CHAF1B: variants seen among roughly 807,000 people sequenced by gnomAD.
CHAF1B encodes the protein CAF-1 subunit B.
Under a neutral mutation model 60.7 loss-of-function variants are expected in CHAF1B, and 10 were observed. The observed-to-expected ratio is 0.16, with a 90% CI of 0.10 to 0.28. The LOEUF is 0.28. Among genes scored for constraint, CHAF1B ranks in the 10% least tolerant of loss-of-function variants. The pLI, the probability that CHAF1B is intolerant of heterozygous loss-of-function variation, is 1.00. For synonymous variants in CHAF1B, 261 were observed against 266.1 expected (o/e 0.98, Z 0.19); for missense variants, 558 against 708.4 (o/e 0.79, Z 2.41).
chr21:36,413,138 A>G lies in CHAF1B; in HGVS notation c.1316A>G (p.Gln439Arg). 6.2e-7 allele frequency: 1 copy of G among 1,614,026 alleles called. No homozygotes were observed. The highest frequency in any genetic ancestry group is 8.5e-7 in the Non-Finnish European group (1 of 1,179,988). ...GGCACGACTCCCCCTCAGGCCAGAC[A>G]GGCCCCAGCCCCAACAGTCATCAGG... The part of the protein sequence containing the change: ...SPGTTPPQAR[Q>R]APAPTVIRDP... The change falls in exon 12 of 14, where the codon CAG becomes CGG. Residue 439 changes from glutamine (Q) to arginine (R), a missense_variant. Gln to Arg is a conservative substitution (Grantham distance 43). Coordinates refer to ENST00000314103, the MANE Select transcript of CHAF1B (RefSeq NM_005441.3).
rs2086168632 is a variant in CHAF1B at position 36,399,426 on chromosome 21, G to A, written c.579-95G>A. On this transcript the variant is annotated intron_variant, in intron 6 of 13. Coordinates refer to ENST00000314103, the MANE Select transcript of CHAF1B (RefSeq NM_005441.3). ...TAAAAGCTTTTGCAGGCTGAAAACT[G>A]TTGCGGTGGTAATAGGCTGTTGGTA... 4 of 1,002,248 alleles carry A rather than the reference G, an allele frequency of 4.0e-6. No homozygotes were observed. The Admixed American group carries it at 8.1e-5, about 20-fold the overall frequency. 62.1% of individuals were successfully genotyped at this position (1,002,248 alleles called of 1,614,324 possible).
intron 5 of CHAF1B, among the ~76,000 whole-genome samples, chr21:36,396,150 C>T (rs890011498): frequency 6.6e-6 from 1 of 151,640 alleles, no homozygotes; most frequent in Non-Finnish European, 1.5e-5. Context: ...CAGGCGCCCG[C>T]CACCACTCCC....
At chr21:36,400,014 A>G (rs999537155) in intron 7 of CHAF1B, among the ~76,000 whole-genome samples, 1 of 152,108 alleles carries the variant, frequency 6.6e-6, no homozygotes, top group African/African-American at 2.4e-5. Flanking sequence ...CCCCATCTCA[A>G]TGAATTGCAA....
In CHAF1B at chr21:36,412,851, G is replaced by C. The variant is rs890086035; in HGVS notation, c.1062-33G>C. On this transcript the variant is annotated intron_variant, in intron 11 of 13. Transcript: ENST00000314103. ...TAAGTAGATGTGAGAGTGTTGGTAA[G>C]GTCTGTAACTTTTCCCTGTTTTGGG... is the stretch of plus-strand genomic sequence containing the variant. The C allele has an allele frequency of 5.7e-6, 9 of 1,589,102 alleles. No homozygotes were observed. The African/African-American group carries it at 1.1e-4, about 19-fold the overall frequency.
rs1439873634 is a variant in CHAF1B, at chr21:36,418,558, A to G, written c.*2192A>G. ...CTGGCCATACCTGGGGAGGAACAGT[A>G]TTAGGTTTTTCTGGGTGTGGTGGCT... On this transcript the variant is annotated 3_prime_UTR_variant, in exon 14 of 14. Transcript: ENST00000314103. 6.6e-6 allele frequency: 1 copy of G among 151,590 alleles called. No individual in the cohort carries two copies. Among genetic ancestry groups the G allele is most frequent in the African/African-American group, 2.4e-5 (1 of 41,222 alleles). The allele number at this position is 151,590 out of a possible 1,614,324, so 9.4% of individuals were successfully genotyped here.
At chr21:36,387,794 A>C (rs1243898092) in intron 3 of CHAF1B, 64 bp downstream of exon 3, 1 of 1,539,954 alleles carries the variant, frequency 6.5e-7, no homozygotes, top group Non-Finnish European at 8.9e-7. Flanking sequence ...GTCTTGTGTC[A>C]GATAGTGAGA....
At chr21:36,397,285 T>C (rs2086148203) in intron 5 of CHAF1B, 130 bp from the exon 6 acceptor site, 2 of 429,340 alleles carry the variant, frequency 4.7e-6, no homozygotes, top group Non-Finnish European at 8.3e-6. Flanking sequence ...TAGTACAGAG[T>C]CTCTCACTTA....
At chr21:36,413,445 T>C (rs1398573810) in intron 12 of CHAF1B, 130 bp downstream of exon 12, 1 of 854,024 alleles carries the variant, frequency 1.2e-6, no homozygotes. Flanking sequence ...AGAGAGATTC[T>C]TAACTTCAAA....
At chr21:36,402,427 C>T (rs1367443020) in intron 7 of CHAF1B, among the ~76,000 whole-genome samples, 1 of 152,148 alleles carries the variant, frequency 6.6e-6, no homozygotes, top group Non-Finnish European at 1.5e-5. Flanking sequence ...CACTATTGAC[C>T]CTGTGGTTTG....
intron 5 of CHAF1B, 33 bp from the exon 6 acceptor site, chr21:36,397,382 G>C: frequency 8.3e-7 from 1 of 1,207,808 alleles, no homozygotes; most frequent in Middle Eastern, 2.0e-4. Flanking sequence ...TGGTAATGCT[G>C]TTTTGGTGCG....
Position 36,408,843 on chromosome 21 carries a change from GGAAATGTTT to G in CHAF1B, c.827+23_827+31del. 1 of 1,567,612 alleles carries G rather than the reference GGAAATGTTT, an allele frequency of 6.4e-7. No homozygotes were observed. The highest frequency in any genetic ancestry group is 1.1e-5 in the South Asian group (1 of 89,880). On this transcript the variant is annotated intron_variant, in intron 9 of 13. Coordinates refer to ENST00000314103, the MANE Select transcript of CHAF1B (RefSeq NM_005441.3). ...AGAATCTTAAAAGGTATGCAGTCAA[GGAAATGTTT>G]GAAATGTTTACATTTTTTTTAGACG...
chr21:36,398,519 C>T (rs555274835), intron 6 of CHAF1B, among the ~76,000 whole-genome samples: 77 of 152,146 alleles, frequency 5.1e-4, no homozygotes, highest in Non-Finnish European at 9.4e-4. Context: ...ACCACCATGC[C>T]TGGCTAATTT....
intron 4 of CHAF1B, among the ~76,000 whole-genome samples, chr21:36,392,408 C>T (rs889340942): frequency 2.0e-4 from 31 of 152,378 alleles, no homozygotes; most frequent in African/African-American, 7.5e-4. Flanking sequence ...CCGCCATCGT[C>T]ATCATGGCCC....
rs756399272 is a variant in CHAF1B, at chr21:36,411,467, G to A, written c.924G>A (p.Val308=). The A allele has an allele frequency of 6.2e-6, 10 of 1,613,782 alleles. No homozygotes were observed. In the South Asian group the frequency reaches 1.1e-4, roughly 18 times the overall value. The change falls in exon 11 of 14, where the codon GTG becomes GTA. Residue 308 remains valine, a synonymous_variant. Transcript: ENST00000314103. The stretch of plus-strand genomic sequence containing the variant: ...GTCTCTGTCCCCAACCCCCAGGTGT[G>A]GAGCTGATGAGTCTGCCCTACCGCC... ...FELRPVVETG[V]ELMSLPYRLV...
intron 9 of CHAF1B, among the ~76,000 whole-genome samples, chr21:36,409,158 ATT>A (rs1163222508): frequency 3.0e-4 from 28 of 94,638 alleles, no homozygotes; most frequent in Middle Eastern, 6.5e-3. Context: ...CCCGGCTTGT[ATT>A]TTTTTTTTTT....
At position 36,386,100 on chromosome 21, in the gene CHAF1B, G is replaced by C. The variant is rs2086029926; in HGVS notation, c.-37G>C. The C allele has an allele frequency of 6.2e-7, 1 of 1,613,014 alleles. No individual in the cohort carries two copies. Among genetic ancestry groups the C allele is most frequent in the Non-Finnish European group, 8.5e-7 (1 of 1,179,316 alleles). ...TCCTGTCTTGAAGAAGTAGAACGGT[G>C]CCCGAGAAACGTTTTTCCCCTTCGA... is the stretch of plus-strand genomic sequence containing the variant. On this transcript the variant is annotated 5_prime_UTR_variant, in exon 2 of 14. Transcript: ENST00000314103.
chr21:36,385,955 A>G (rs527436687), intron 1 of CHAF1B, 105 bp from the exon 2 acceptor site: 4 of 627,994 alleles, frequency 6.4e-6, no homozygotes, highest in Non-Finnish European at 1.1e-5. Context: ...TGGCAACGTT[A>G]ACATCCTTTC....
chr21:36,389,759 A>ATGTG (rs1555911822), intron 3 of CHAF1B, among the ~76,000 whole-genome samples: 5,842 of 125,728 alleles, frequency 0.046, 181 homozygotes, highest in Admixed American at 0.064. Context: ...GCATGAAGGG[A>ATGTG]TGTGTGTGTG....
chr21:36,386,105 AG>A lies in CHAF1B; in HGVS notation c.-31del, dbSNP rs749061160. On this transcript the variant is annotated 5_prime_UTR_variant, in exon 2 of 14. Coordinates refer to ENST00000314103, the MANE Select transcript of CHAF1B (RefSeq NM_005441.3). ...TCTTGAAGAAGTAGAACGGTGCCCG[AG>A]AAACGTTTTTCCCCTTCGAGACTCA... The A allele has an allele frequency of 3.7e-6, 6 of 1,613,170 alleles. No homozygotes were observed. The highest frequency in any genetic ancestry group is 4.2e-6 in the Non-Finnish European group (5 of 1,179,506).
Sources: gnomAD v4.1 joint callset for allele counts (sites outside exome capture counted in the v4.1 genomes callset) on GRCh38, gnomAD v4.1.1 for gene constraint, MANE v1.5 for transcripts, NCBI Gene and HGNC (gene_info 2026-07-23, HGNC 2026-07-21) for gene names.